The following BTBD1 variants were observed in gnomAD, a reference collection of about 807,000 sequenced individuals.
BTBD1 encodes the protein BTB/POZ domain-containing protein 1.
A neutral mutation model predicts 48.0 loss-of-function variants in BTBD1; 34 were observed. The observed-to-expected ratio is 0.71, with a 90% CI of 0.54 to 0.94. The LOEUF is 0.94. Ranked by LOEUF, BTBD1 falls within the 40% of genes least tolerant of loss-of-function variation. BTBD1 has a pLI of 0.00. For missense variants in BTBD1, 543 were observed against 625.6 expected (o/e 0.87, Z 1.41); for synonymous variants, 261 against 242.1 (o/e 1.08, Z -0.72).
At chr15:83,065,039 C>G (rs184111362) in intron 1 of BTBD1, among the ~76,000 whole-genome samples, 1 of 152,144 alleles carries the variant, frequency 6.6e-6, no homozygotes, top group East Asian at 1.9e-4. Flanking sequence ...CACGTTGTAA[C>G]CATGGTGCAG....
chr15:83,051,409 G>A (rs905943336), intron 2 of BTBD1, among the ~76,000 whole-genome samples: 11 of 151,012 alleles, frequency 7.3e-5, no homozygotes, highest in African/African-American at 2.7e-4. Context: ...GTGTTTTATG[G>A]GGGAGAAAAG....
At chr15:83,042,676 G>A (rs1201349590) in intron 3 of BTBD1, among the ~76,000 whole-genome samples, 9 of 152,090 alleles carry the variant, frequency 5.9e-5, no homozygotes, top group African/African-American at 1.7e-4. Context: ...GAGCCACCGC[G>A]CCCAGCCAGC....
chr15:83,027,404 A>G (rs1291282925), intron 5 of BTBD1, among the ~76,000 whole-genome samples: 2 of 152,150 alleles, frequency 1.3e-5, no homozygotes, highest in East Asian at 3.8e-4. Flanking sequence ...TCTTTATTCC[A>G]CAAAAGAGAA....
chr15:83,066,361 A>T (rs1282815902), intron 1 of BTBD1, among the ~76,000 whole-genome samples: 1 of 152,172 alleles, frequency 6.6e-6, no homozygotes, highest in Non-Finnish European at 1.5e-5. Flanking sequence ...AAGATTTTTC[A>T]ACTACTCTCT....
intron 3 of BTBD1, among the ~76,000 whole-genome samples, chr15:83,048,235 AG>A (rs1487109171): frequency 6.6e-6 from 1 of 152,332 alleles, no homozygotes; most frequent in Admixed American, 6.5e-5. Flanking sequence ...GGTGTTGTTA[AG>A]GAAGACTGAA....
At chr15:83,029,695 A>T (rs1286107905) in intron 5 of BTBD1, 1 of 160,704 alleles carries the variant, frequency 6.2e-6, no homozygotes, top group African/African-American at 2.4e-5. Context: ...AACATGGTGA[A>T]ACCCCGTCTC....
intron 2 of BTBD1, among the ~76,000 whole-genome samples, chr15:83,051,685 A>G (rs1443663163): frequency 6.6e-6 from 1 of 151,402 alleles, no homozygotes; most frequent in African/African-American, 2.4e-5. Context: ...CCCTCAAACT[A>G]TTTTTCATTT....
chr15:83,042,743 C>G (rs779268365), intron 3 of BTBD1, among the ~76,000 whole-genome samples: 6 of 152,170 alleles, frequency 3.9e-5, no homozygotes, highest in Non-Finnish European at 8.8e-5. Flanking sequence ...AGCTTACATT[C>G]TAATGAGGAG....
At chr15:83,066,535 CTAACG>C (rs1386004668) in intron 1 of BTBD1, among the ~76,000 whole-genome samples, 2 of 152,162 alleles carry the variant, frequency 1.3e-5, no homozygotes, top group Non-Finnish European at 2.9e-5. Flanking sequence ...AATGAAGACA[CTAACG>C]TTTAGTTGGC....
intron 4 of BTBD1, among the ~76,000 whole-genome samples, chr15:83,036,988 CTTTA>C (rs1009131826): frequency 8.5e-5 from 13 of 152,144 alleles, no homozygotes; most frequent in Admixed American, 8.5e-4. Context: ...AGTATGTTCA[CTTTA>C]TTTGTTAATT....
chr15:83,021,654 T>C (rs1438375710), intron 5 of BTBD1, among the ~76,000 whole-genome samples: 1 of 151,840 alleles, frequency 6.6e-6, no homozygotes, highest in Non-Finnish European at 1.5e-5. Flanking sequence ...CTAGAGAAAC[T>C]GAGGCAGGAG....
chr15:83,053,996 A>G (rs995603976), intron 2 of BTBD1, among the ~76,000 whole-genome samples: 3 of 152,218 alleles, frequency 2.0e-5, no homozygotes, highest in Admixed American at 1.3e-4. Flanking sequence ...CTAGTGTAAT[A>G]AGACGTTAAC....
intron 4 of BTBD1, chr15:83,030,762 G>C (rs1183768388): frequency 1.3e-5 from 2 of 153,408 alleles, no homozygotes; most frequent in Non-Finnish European, 2.9e-5. Context: ...AAAAACAAAT[G>C]AATGAGACCT....
At chr15:83,049,251 C>A (rs1323147881) in intron 3 of BTBD1, among the ~76,000 whole-genome samples, 1 of 152,166 alleles carries the variant, frequency 6.6e-6, no homozygotes, top group Non-Finnish European at 1.5e-5. Context: ...CATTTCGACA[C>A]ACCAAAGAAC....
chr15:83,028,989 T>G (rs1259532509), intron 5 of BTBD1, among the ~76,000 whole-genome samples: 1 of 152,172 alleles, frequency 6.6e-6, no homozygotes, highest in Admixed American at 6.5e-5. Context: ...CTTTTGCTAT[T>G]TGTTTTCTAG....
At chr15:83,056,605 T>C (rs1342185567) in intron 1 of BTBD1, 60 bp from the exon 2 acceptor site, 18 of 1,428,272 alleles carry the variant, frequency 1.3e-5, no homozygotes, top group Non-Finnish European at 1.6e-5. Flanking sequence ...AAGCAATCCA[T>C]CACAGTTAAA....
intron 2 of BTBD1, among the ~76,000 whole-genome samples, chr15:83,054,796 A>G (rs1411535555): frequency 2.0e-5 from 3 of 152,026 alleles, no homozygotes; most frequent in African/African-American, 4.8e-5. Context: ...TCTTGGCCTC[A>G]TGATCTGCCC....
chr15:83,019,608 A>G (rs12901811), intron 6 of BTBD1, among the ~76,000 whole-genome samples: 18,447 of 106,906 alleles, frequency 0.17, 1,269 homozygotes, highest in Middle Eastern at 0.37. Context: ...TTTTTTTTTG[A>G]GACGGAGTCT....
chr15:83,020,731 C>A lies in BTBD1; in HGVS notation c.1087G>T (p.Gly363Ter). Residue 363 changes from glycine (G) to a stop codon, truncating the protein, a stop_gained, in exon 6 of 8, where the codon GGA becomes TGA. Coordinates refer to ENST00000261721, the MANE Select transcript of BTBD1 (RefSeq NM_025238.4). LOFTEE classifies it high-confidence loss of function. ...TGAATAGATCCATACAAGCCAAATCCAACTATAGAGATCCTTCTATTAACT... is the reference window on the plus strand; with the variant it reads ...TGAATAGATCCATACAAGCCAAATCAAACTATAGAGATCCTTCTATTAACT... ...FTVNRRISIV[G>*]FGLYGSIHGP... The A allele has an allele frequency of 6.2e-7, 1 of 1,607,070 alleles. No individual in the cohort carries two copies. Among genetic ancestry groups the A allele is most frequent in the South Asian group, 1.1e-5 (1 of 90,850 alleles).
Sources: allele counts gnomAD v4.1 joint callset (sites outside exome capture counted in the v4.1 genomes callset), GRCh38; gene constraint gnomAD v4.1.1; transcripts MANE v1.5; gene names NCBI Gene and HGNC (gene_info 2026-07-23, HGNC 2026-07-21).